The following DNAJC1 variants were observed in gnomAD, a reference collection of about 807,000 sequenced individuals.
DNAJC1 encodes the protein dnaJ homolog subfamily C member 1.
A neutral mutation model predicts 76.6 loss-of-function variants in DNAJC1; 58 were observed. The observed-to-expected ratio is 0.76, with a 90% CI of 0.61 to 0.94. DNAJC1 has a LOEUF of 0.94. Among genes scored for constraint, DNAJC1 ranks in the 40% least tolerant of loss-of-function variants. The pLI is 0.00. For synonymous variants in DNAJC1, 258 were observed against 267.9 expected, an observed-to-expected ratio of 0.96 and a Z score of 0.36; for missense variants, 689 against 677.3, an observed-to-expected ratio of 1.02 and a Z score of -0.19.
intron 1 of DNAJC1, among the ~76,000 whole-genome samples, chr10:21,954,016 T>C (rs1322390018): frequency 6.6e-6 from 1 of 152,042 alleles, no homozygotes; most frequent in Non-Finnish European, 1.5e-5. Flanking sequence ...TGTCTCTCAA[T>C]CTAAAATTTT....
chr10:21,771,521 C>T (rs937175372), intron 9 of DNAJC1, among the ~76,000 whole-genome samples: 6 of 151,552 alleles, frequency 4.0e-5, no homozygotes, highest in African/African-American at 1.5e-4. Context: ...TTTTTTGAGA[C>T]GCAGTCTCGC....
At chr10:21,947,049 C>T (rs904328411) in intron 1 of DNAJC1, among the ~76,000 whole-genome samples, 1 of 152,158 alleles carries the variant, frequency 6.6e-6, no homozygotes, top group African/African-American at 2.4e-5. Context: ...GACTTTCCAG[C>T]TCCAGAACTG....
intron 1 of DNAJC1, among the ~76,000 whole-genome samples, chr10:21,995,304 C>A (rs1838398633): frequency 6.6e-6 from 1 of 152,120 alleles, no homozygotes; most frequent in Non-Finnish European, 1.5e-5. Flanking sequence ...TAAATGGCAA[C>A]AATGATCTTT....
chr10:21,911,867 A>T (rs1308032478), intron 6 of DNAJC1, among the ~76,000 whole-genome samples: 1 of 152,214 alleles, frequency 6.6e-6, no homozygotes, highest in East Asian at 1.9e-4. Flanking sequence ...AGCGCTTTTT[A>T]AAAATAAAAT....
intron 8 of DNAJC1, among the ~76,000 whole-genome samples, chr10:21,842,286 A>C (rs1369812888): frequency 6.6e-6 from 1 of 152,226 alleles, no homozygotes; most frequent in African/African-American, 2.4e-5. Context: ...AGAGAAGCAA[A>C]TAGGATGAAC....
intron 8 of DNAJC1, among the ~76,000 whole-genome samples, chr10:21,818,555 A>C (rs1231179750): frequency 6.6e-6 from 1 of 152,024 alleles, no homozygotes; most frequent in African/African-American, 2.4e-5. Context: ...ATCACTAATA[A>C]AAATTTGCTG....
rs190975115 is a variant in DNAJC1, at chr10:21,792,228, T to C, written c.1098+13752A>G. ...AAACAAATGAATTAGTAACTAAAAG[T>C]CTTCCCATAAAGAAAAGCCAAGGCC... is the stretch of plus-strand genomic sequence containing the variant. On this transcript the variant is annotated intron_variant, in intron 9 of 11. Transcript: ENST00000376980. Among the ~76,000 whole-genome samples, 23 of 152,300 alleles carry C rather than the reference T, an allele frequency of 1.5e-4. 1 individual carries two copies. In the East Asian group the frequency reaches 4.0e-3, roughly 27 times the overall value.
intron 2 of DNAJC1, among the ~76,000 whole-genome samples, 165 bp downstream of exon 2, chr10:21,928,875 T>C (rs1459830804): frequency 2.0e-5 from 3 of 152,174 alleles, no homozygotes; most frequent in East Asian, 3.9e-4. Flanking sequence ...TAATACAAAA[T>C]AGTAAAAATG....
At chr10:21,976,830 G>A (rs1477209326) in intron 1 of DNAJC1, among the ~76,000 whole-genome samples, 1 of 152,104 alleles carries the variant, frequency 6.6e-6, no homozygotes, top group Non-Finnish European at 1.5e-5. Context: ...TAAAATCAGT[G>A]GAGGAAGAGA....
chr10:21,806,723 G>T (rs1474247285), intron 8 of DNAJC1, among the ~76,000 whole-genome samples: 9 of 149,786 alleles, frequency 6.0e-5, no homozygotes, highest in Non-Finnish European at 1.3e-4. Context: ...TTTAAACTTC[G>T]GAACAGAAAT....
chr10:21,756,855 C>T (rs947893975), intron 11 of DNAJC1, 100 bp from the exon 12 acceptor site: 270 of 1,071,656 alleles, frequency 2.5e-4, no homozygotes, highest in Non-Finnish European at 2.9e-4. Flanking sequence ...AAGAGCCTCA[C>T]GTCCAGTCCC....
At chr10:21,806,718 A>T (rs901878243) in intron 8 of DNAJC1, among the ~76,000 whole-genome samples, 1 of 151,144 alleles carries the variant, frequency 6.6e-6, no homozygotes, top group Non-Finnish European at 1.5e-5. Flanking sequence ...TTTTTTTTAA[A>T]CTTCGGAACA....
chr10:21,768,104 A>AT (rs1430345866), intron 9 of DNAJC1, among the ~76,000 whole-genome samples: 27 of 152,262 alleles, frequency 1.8e-4, no homozygotes, highest in African/African-American at 6.5e-4. Flanking sequence ...TCTATTGTAT[A>AT]TTTTTAAGAA....
chr10:21,808,729 A>C (rs1042456951), intron 8 of DNAJC1, among the ~76,000 whole-genome samples: 9 of 152,200 alleles, frequency 5.9e-5, no homozygotes, highest in Non-Finnish European at 1.2e-4. Context: ...TCTGGAGCCA[A>C]CTGTAGCTGT....
At chr10:21,946,132 C>T (rs1020029859) in intron 1 of DNAJC1, among the ~76,000 whole-genome samples, 3 of 148,560 alleles carry the variant, frequency 2.0e-5, no homozygotes, top group African/African-American at 7.5e-5. Flanking sequence ...TCTCCACCTC[C>T]CTGGTTCAAG....
At chr10:21,761,692 C>T (rs1834243352) in intron 10 of DNAJC1, among the ~76,000 whole-genome samples, 1 of 152,090 alleles carries the variant, frequency 6.6e-6, no homozygotes, top group African/African-American at 2.4e-5. Flanking sequence ...GTGTGAACGT[C>T]TAGAAACAGT....
At chr10:21,791,435 A>G (rs533829985) in intron 9 of DNAJC1, among the ~76,000 whole-genome samples, 14 of 152,166 alleles carry the variant, frequency 9.2e-5, no homozygotes, top group Non-Finnish European at 4.4e-5. Context: ...CAGCTACAGA[A>G]TACACATTCT....
chr10:21,840,490 A>C (rs574684841), intron 8 of DNAJC1, among the ~76,000 whole-genome samples: 11 of 152,256 alleles, frequency 7.2e-5, no homozygotes, highest in African/African-American at 1.7e-4. Flanking sequence ...CATGAGTGAA[A>C]TCCCATTCAC....
At position 21,875,671 on chromosome 10, in the gene DNAJC1, A is replaced by C. The variant is rs377564916; in HGVS notation, c.978+6611T>G. 7.9e-5 allele frequency among the ~76,000 whole-genome samples: 12 copies of C among 152,322 alleles called. No individual in the cohort carries two copies. In the East Asian group the frequency reaches 1.7e-3, roughly 22 times the overall value. ...CTAGGCGTGGTGGCTCACACCTGTA[A>C]TCCCAACAGTTTGGGAGGCCGAGGC... On this transcript the variant is annotated intron_variant, in intron 8 of 11. Transcript: ENST00000376980.
Sources: gnomAD v4.1 joint callset for allele counts (sites outside exome capture counted in the v4.1 genomes callset) on GRCh38, gnomAD v4.1.1 for gene constraint, MANE v1.5 for transcripts, NCBI Gene and HGNC (gene_info 2026-07-23, HGNC 2026-07-21) for gene names.